The following LARGE1 variants were observed in gnomAD, a reference collection of about 807,000 sequenced individuals.
LARGE1 encodes the protein xylosyl- and glucuronyltransferase LARGE1.
A neutral mutation model predicts 87.6 loss-of-function variants in LARGE1; 43 were observed. That is an observed-to-expected ratio of 0.49 (90% CI 0.38 to 0.63). LARGE1 has a LOEUF of 0.63. Ranked by LOEUF, LARGE1 falls within the 30% of genes least tolerant of loss-of-function variation. The pLI, the probability that LARGE1 is intolerant of heterozygous loss-of-function variation, is 0.00. For synonymous variants in LARGE1, 434 were observed against 394.6 expected, an observed-to-expected ratio of 1.10 and a Z score of -1.18; for missense variants, 802 against 1,000.2, an observed-to-expected ratio of 0.80 and a Z score of 2.67.
chr22:33,450,002 CT>C (rs2067846519), intron 6 of LARGE1, among the ~76,000 whole-genome samples: 1 of 152,020 alleles, frequency 6.6e-6, no homozygotes, highest in African/African-American at 2.4e-5. Context: ...ACCTCCGCCT[CT>C]TGGGTTCAAG....
chr22:33,770,163 TA>T (rs2145806747), intron 1 of LARGE1, among the ~76,000 whole-genome samples: 1 of 152,370 alleles, frequency 6.6e-6, no homozygotes, highest in South Asian at 2.1e-4. Flanking sequence ...TCATTGTAGC[TA>T]ATAATCTTTT....
chr22:33,731,404 T>C (rs1272723665), intron 2 of LARGE1, among the ~76,000 whole-genome samples: 2 of 152,128 alleles, frequency 1.3e-5, no homozygotes, highest in African/African-American at 4.8e-5. Context: ...GGAAAGGGAA[T>C]AGCTAGTTGT....
intron 1 of LARGE1, among the ~76,000 whole-genome samples, chr22:33,831,558 C>A (rs1214371189): frequency 6.6e-6 from 1 of 152,066 alleles, no homozygotes; most frequent in African/African-American, 2.4e-5. Context: ...CCCCTGGGGC[C>A]AGAGGAGCAC....
At chr22:33,781,375 C>T (rs530228411) in intron 1 of LARGE1, among the ~76,000 whole-genome samples, 2 of 152,224 alleles carry the variant, frequency 1.3e-5, no homozygotes, top group African/African-American at 4.8e-5. Context: ...GTGGTGGGTG[C>T]CTGTAATCCC....
chr22:33,824,247 A>C (rs76000859), intron 1 of LARGE1, among the ~76,000 whole-genome samples: 2,728 of 152,300 alleles, frequency 0.018, 35 homozygotes, highest in Non-Finnish European at 0.028. Flanking sequence ...GTAATTTATA[A>C]GCAGAAGAGG....
At chr22:33,497,888 T>G (rs2148341179) in intron 6 of LARGE1, among the ~76,000 whole-genome samples, 1 of 152,248 alleles carries the variant, frequency 6.6e-6, no homozygotes, top group Middle Eastern at 3.4e-3. Flanking sequence ...TTTATTTGTT[T>G]GTTTGTTTAT....
intron 6 of LARGE1, among the ~76,000 whole-genome samples, chr22:33,500,772 G>A (rs1351395018): frequency 6.6e-6 from 1 of 152,168 alleles, no homozygotes; most frequent in Non-Finnish European, 1.5e-5. Flanking sequence ...CTAATGAGTG[G>A]CATTATCAAT....
In LARGE1 at chr22:33,905,071, T is replaced by C. The variant is rs534231335; in HGVS notation, c.-83+14924A>G. ...TTTTTTTTTTTAATTCCTTTTTTTT[T>C]TTTTTTTTTTTTGAGACAGCATCTT... On this transcript the variant is annotated intron_variant, in intron 1 of 14. Coordinates refer to ENST00000397394, the MANE Select transcript of LARGE1 (RefSeq NM_133642.5). Among the ~76,000 whole-genome samples, 128 of 145,298 alleles carry C rather than the reference T, an allele frequency of 8.8e-4. 2 individuals are homozygous for C. Among genetic ancestry groups the C allele is most frequent in the Admixed American group, 1.6e-3 (24 of 14,614 alleles).
intron 2 of LARGE1, among the ~76,000 whole-genome samples, chr22:33,699,486 C>T (rs147368162): frequency 3.3e-5 from 5 of 152,282 alleles, no homozygotes; most frequent in African/African-American, 7.2e-5. Context: ...GGTTAAGTGT[C>T]GTCTTCACAG....
rs75467796 is a variant in LARGE1 at position 33,892,111 on chromosome 22, C to T, written c.-83+27884G>A. Reference sequence around the variant, plus strand: ...CAAAGCTTCTTTCAAACAGGATTCACGTCTGAATCATGTTAGCAACCCACC... The same window carrying T: ...CAAAGCTTCTTTCAAACAGGATTCATGTCTGAATCATGTTAGCAACCCACC... On this transcript the variant is annotated intron_variant, in intron 1 of 14. Coordinates refer to ENST00000397394, the MANE Select transcript of LARGE1 (RefSeq NM_133642.5). Among the ~76,000 whole-genome samples, 1,251 of 152,278 alleles carry T rather than the reference C, an allele frequency of 8.2e-3. 16 individuals are homozygous for T. Among genetic ancestry groups the T allele is most frequent in the African/African-American group, 0.029 (1,185 of 41,562 alleles).
the LARGE1 span, among the ~76,000 whole-genome samples, chr22:33,081,262 C>T: frequency 6.6e-6 from 1 of 152,186 alleles, no homozygotes; most frequent in Admixed American, 6.5e-5. Context: ...TTGTTTAAAT[C>T]ACCCAGTCTA....
chr22:33,312,865 A>G (rs1935756793), intron 11 of LARGE1, among the ~76,000 whole-genome samples: 1 of 152,224 alleles, frequency 6.6e-6, no homozygotes, highest in African/African-American at 2.4e-5. Flanking sequence ...ATGGAGGAGA[A>G]GGAAACACAT....
intron 1 of LARGE1, among the ~76,000 whole-genome samples, chr22:33,918,667 T>C (rs2065856135): frequency 6.6e-6 from 1 of 152,166 alleles, no homozygotes; most frequent in East Asian, 1.9e-4. Context: ...AACCACCACT[T>C]GTTCCCTTCT....
chr22:33,251,917 C>A (rs555988673), intron 11 of LARGE1, among the ~76,000 whole-genome samples: 2 of 152,290 alleles, frequency 1.3e-5, no homozygotes, highest in African/African-American at 2.4e-5. Context: ...ACCAGCCAGT[C>A]CATACATCTC....
At chr22:33,200,206 T>A (rs568350995) in intron 11 of LARGE1, among the ~76,000 whole-genome samples, 6 of 152,290 alleles carry the variant, frequency 3.9e-5, no homozygotes, top group Middle Eastern at 6.8e-3. Flanking sequence ...TTCTTCCCCT[T>A]GTAAACTTTC....
chr22:33,183,426 C>CA (rs1182021147), intron 11 of LARGE1, among the ~76,000 whole-genome samples: 4 of 151,934 alleles, frequency 2.6e-5, no homozygotes, highest in Non-Finnish European at 5.9e-5. Flanking sequence ...GGAAATTCTT[C>CA]AAAAAAATTA....
chr22:33,150,584 C>A, the LARGE1 span, among the ~76,000 whole-genome samples: 1 of 152,208 alleles, frequency 6.6e-6, no homozygotes, highest in African/African-American at 2.4e-5. Context: ...GGAGGCCATT[C>A]TGTTTACCTC....
At chr22:33,586,536 C>G (rs2078680308) in intron 5 of LARGE1, among the ~76,000 whole-genome samples, 1 of 151,656 alleles carries the variant, frequency 6.6e-6, no homozygotes, top group Non-Finnish European at 1.5e-5. Context: ...CGGCTCACGG[C>G]AAGCTCCGCC....
chr22:33,260,236 A>T (rs771998006), intron 11 of LARGE1, among the ~76,000 whole-genome samples: 1 of 151,932 alleles, frequency 6.6e-6, no homozygotes, highest in Non-Finnish European at 1.5e-5. Flanking sequence ...GTGGCCCTGT[A>T]AGGCGTGGCA....
Sources: allele counts gnomAD v4.1 joint callset (sites outside exome capture counted in the v4.1 genomes callset), GRCh38; gene constraint gnomAD v4.1.1; transcripts MANE v1.5; gene names NCBI Gene and HGNC (gene_info 2026-07-23, HGNC 2026-07-21).